LRMDA: variants seen among roughly 807,000 people sequenced by gnomAD.
LRMDA encodes leucine rich melanocyte differentiation associated, also known as leucine-rich melanocyte differentiation-associated protein.
Under a neutral mutation model 29.8 loss-of-function variants are expected in LRMDA, and 18 were observed. The observed-to-expected ratio is 0.60, with a 90% CI of 0.42 to 0.90. The LOEUF is 0.90. Ranked by LOEUF, LRMDA falls within the 40% of genes least tolerant of loss-of-function variation. The probability of loss-of-function intolerance (pLI) is 0.00; values close to 1 mark genes in which losing one functional copy is unlikely to be tolerated. For missense variants in LRMDA, 273 were observed against 273.9 expected (o/e 1.00, Z 0.02); for synonymous variants, 125 against 109.4 (o/e 1.14, Z -0.89).
chr10:75,686,162 G>A (rs1842079318), intron 2 of LRMDA, among the ~76,000 whole-genome samples: 1 of 152,174 alleles, frequency 6.6e-6, no homozygotes, highest in Non-Finnish European at 1.5e-5. Context: ...TAGTCAGGGA[G>A]GACAGAGGGC....
At position 76,116,051 on chromosome 10, in the gene LRMDA, T is replaced by C. The variant is rs548573326; in HGVS notation, c.516+57268T>C. ...GCGTTATCACTCGTGGTTTATGTTC[T>C]GAGATGGAATGGGATGGGGCCACTG... On this transcript the variant is annotated intron_variant, in intron 5 of 6. Coordinates refer to ENST00000611255, the MANE Select transcript of LRMDA (RefSeq NM_001305581.2). Among the ~76,000 whole-genome samples the C allele has an allele frequency of 9.9e-5, 15 of 152,280 alleles. No individual in the cohort carries two copies. The South Asian group carries it at 2.9e-3, about 29-fold the overall frequency.
intron 2 of LRMDA, among the ~76,000 whole-genome samples, chr10:75,769,831 A>G (rs546383339): frequency 2.2e-4 from 34 of 152,302 alleles, no homozygotes; most frequent in African/African-American, 7.2e-4. Flanking sequence ...AAAAATACAA[A>G]TATCAGCTTG....
At chr10:76,492,925 T>A (rs968955739) in intron 6 of LRMDA, among the ~76,000 whole-genome samples, 1 of 151,960 alleles carries the variant, frequency 6.6e-6, no homozygotes, top group African/African-American at 2.4e-5. Flanking sequence ...TTATTACAAT[T>A]CAAGGTGAGA....
intron 2 of LRMDA, among the ~76,000 whole-genome samples, chr10:75,843,234 A>G (rs1375883174): frequency 6.6e-6 from 1 of 152,256 alleles, no homozygotes; most frequent in Non-Finnish European, 1.5e-5. Flanking sequence ...TTATGGACAC[A>G]GCTACTAAAT....
chr10:75,556,570 A>C (rs1840215856), intron 2 of LRMDA, among the ~76,000 whole-genome samples: 4 of 152,260 alleles, frequency 2.6e-5, no homozygotes, highest in Admixed American at 2.6e-4. Context: ...AGCTGTGACT[A>C]GTATGTGAGT....
chr10:75,651,706 G>A (rs1462257448), intron 2 of LRMDA, among the ~76,000 whole-genome samples: 1 of 152,138 alleles, frequency 6.6e-6, no homozygotes, highest in African/African-American at 2.4e-5. Context: ...CCAAAAGGAA[G>A]GCATAAGGAC....
intron 2 of LRMDA, among the ~76,000 whole-genome samples, chr10:75,936,695 G>A (rs146445989): frequency 2.6e-5 from 4 of 152,222 alleles, no homozygotes; most frequent in South Asian, 4.1e-4. Context: ...CATAGACAGC[G>A]ACGTCATATT....
In LRMDA at chr10:76,295,855, A is replaced by G. The variant is rs150624654; in HGVS notation, c.517-28546A>G. On this transcript the variant is annotated intron_variant, in intron 5 of 6. Coordinates refer to ENST00000611255, the MANE Select transcript of LRMDA (RefSeq NM_001305581.2). ...CAGCTCAATTCCATTTCCTTCCTAA[A>G]GTCACCTCTTTGCTAATCTTCACTC... 2.6e-4 allele frequency among the ~76,000 whole-genome samples: 40 copies of G among 152,222 alleles called. No individual in the cohort carries two copies. The East Asian group carries it at 7.5e-3, about 29-fold the overall frequency.
At chr10:75,436,819 T>C (rs1769617076) in intron 1 of LRMDA, among the ~76,000 whole-genome samples, 1 of 152,142 alleles carries the variant, frequency 6.6e-6, no homozygotes, top group Admixed American at 6.5e-5. Flanking sequence ...AGTCCCCAGA[T>C]AGAATAGGGC....
chr10:76,477,081 C>A (rs1341979256), intron 6 of LRMDA, among the ~76,000 whole-genome samples: 2 of 151,974 alleles, frequency 1.3e-5, no homozygotes, highest in Non-Finnish European at 2.9e-5. Flanking sequence ...AAATAAAGGG[C>A]ATTCAATTAG....
At chr10:76,549,579 G>C (rs1267849281) in intron 6 of LRMDA, among the ~76,000 whole-genome samples, 4 of 152,164 alleles carry the variant, frequency 2.6e-5, no homozygotes, top group Admixed American at 6.5e-5. Flanking sequence ...TTTGGTAGAA[G>C]ACAGCATATC....
intron 2 of LRMDA, among the ~76,000 whole-genome samples, chr10:75,945,368 AC>A (rs1363937593): frequency 1.3e-5 from 2 of 152,112 alleles, no homozygotes; most frequent in African/African-American, 2.4e-5. Context: ...TTGTAGCCTT[AC>A]CCTTTGTTGT....
At chr10:76,440,466 T>C (rs1842290431) in intron 6 of LRMDA, among the ~76,000 whole-genome samples, 1 of 152,188 alleles carries the variant, frequency 6.6e-6, no homozygotes, top group Non-Finnish European at 1.5e-5. Flanking sequence ...CAGCCCTCTT[T>C]TAGTTTCGCT....
At chr10:75,913,828 G>A (rs1845884980) in intron 2 of LRMDA, among the ~76,000 whole-genome samples, 1 of 152,194 alleles carries the variant, frequency 6.6e-6, no homozygotes, top group Non-Finnish European at 1.5e-5. Flanking sequence ...CCCTGAAATT[G>A]GGTCCGGCTT....
intron 5 of LRMDA, among the ~76,000 whole-genome samples, chr10:76,304,499 A>G (rs990740470): frequency 6.6e-6 from 1 of 152,162 alleles, no homozygotes; most frequent in Admixed American, 6.5e-5. Flanking sequence ...GGGAGGAACT[A>G]TGCATGCCAC....
At chr10:76,089,618 C>A (rs1336216914) in intron 5 of LRMDA, among the ~76,000 whole-genome samples, 1 of 152,116 alleles carries the variant, frequency 6.6e-6, no homozygotes, top group Non-Finnish European at 1.5e-5. Flanking sequence ...TCTGCATGAA[C>A]CCATTAACTC....
chr10:75,728,269 C>T (rs1842653409), intron 2 of LRMDA, among the ~76,000 whole-genome samples: 1 of 152,098 alleles, frequency 6.6e-6, no homozygotes, highest in South Asian at 2.1e-4. Context: ...GAAAAGTGAT[C>T]CCCAAATAAC....
chr10:75,932,787 G>A (rs78343861), intron 2 of LRMDA, among the ~76,000 whole-genome samples: 240 of 152,246 alleles, frequency 1.6e-3, no homozygotes, highest in African/African-American at 5.6e-3. Context: ...ATTCTAAAGT[G>A]CAGTACTTTT....
intron 6 of LRMDA, among the ~76,000 whole-genome samples, chr10:76,406,884 G>A (rs1453526422): frequency 1.3e-5 from 2 of 152,070 alleles, no homozygotes; most frequent in East Asian, 3.9e-4. Flanking sequence ...AAACTTCAAA[G>A]TTTTAAAAAA....
Sources: gnomAD v4.1 joint callset for allele counts (sites outside exome capture counted in the v4.1 genomes callset) on GRCh38, gnomAD v4.1.1 for gene constraint, MANE v1.5 for transcripts, NCBI Gene and HGNC (gene_info 2026-07-23, HGNC 2026-07-21) for gene names.